Variants in SARS2 observed in about 807,000 individuals in gnomAD.
The protein encoded by SARS2 is seryl-tRNA synthetase 2, mitochondrial.
In SARS2, 52 loss-of-function variants were observed where a neutral mutation model predicts 66.8. That is an observed-to-expected ratio of 0.78 (90% CI 0.62 to 0.98). The LOEUF (loss-of-function observed/expected upper bound fraction) is 0.98, where lower values mean the gene tolerates loss of function less well. Among genes scored for constraint, SARS2 ranks in the 50% least tolerant of loss-of-function variants. The pLI is 0.00. For synonymous variants in SARS2, 306 were observed against 281.4 expected (o/e 1.09, Z -0.87); for missense variants, 673 against 706.3 (o/e 0.95, Z 0.53).
intron 2 of SARS2, among the ~76,000 whole-genome samples, chr19:38,924,022 C>G (rs1307480443): frequency 6.6e-6 from 1 of 151,764 alleles, no homozygotes; most frequent in African/African-American, 2.4e-5. Flanking sequence ...ATCCCAGCGA[C>G]TCAGGAGGCT....
At chr19:38,917,885 C>G in intron 11 of SARS2, 36 bp downstream of exon 11, 1 of 1,610,118 alleles carries the variant, frequency 6.2e-7, no homozygotes, top group Non-Finnish European at 8.5e-7. Context: ...GGGGTGGCCC[C>G]CCACCCCAGC....
rs567199001 is a variant in SARS2, at chr19:38,925,472, G to A, written c.363+733C>T. Among the ~76,000 whole-genome samples, 8 of 152,236 alleles carry A rather than the reference G, an allele frequency of 5.3e-5. No individual in the cohort carries two copies. In the South Asian group the frequency reaches 6.2e-4, roughly 12 times the overall value. On this transcript the variant is annotated intron_variant, in intron 2 of 15. Transcript: ENST00000221431. Reference sequence around the variant, plus strand: ...CCGGCTGCCGGAACTCCATTCCTCCGGCTGACAACTGGAGTGTGGTGGGGG... The same window carrying A: ...CCGGCTGCCGGAACTCCATTCCTCCAGCTGACAACTGGAGTGTGGTGGGGG...
rs79129877 is a variant in SARS2, at chr19:38,922,480, G to A, written c.364-213C>T. ...TAACAGTAATCACAGCCGCAGATCCGTATAGGAAGTGATGCCTCCATGCCA... is the reference window on the plus strand; with the variant it reads ...TAACAGTAATCACAGCCGCAGATCCATATAGGAAGTGATGCCTCCATGCCA... On this transcript the variant is annotated intron_variant, in intron 2 of 15. Coordinates refer to ENST00000221431, the MANE Select transcript of SARS2 (RefSeq NM_017827.4). 3.2e-3 allele frequency among the ~76,000 whole-genome samples: 487 copies of A among 152,290 alleles called. 2 individuals carry two copies. Among genetic ancestry groups the A allele is most frequent in the African/African-American group, 0.011 (476 of 41,548 alleles).
Position 38,930,536 on chromosome 19 carries a change from T to G in SARS2, c.201A>C (p.Pro67=). The part of the protein sequence containing the change: ...QLDIERFCAC[P]EEAAHALELR... The stretch of plus-strand genomic sequence containing the variant: ...GCTCCAGGGCGTGTGCGGCCTCTTC[T>G]GGGCATGCGCAGAACCGCTCTATGT... The change falls in exon 1 of 16, where the codon CCA becomes CCC. Residue 67 remains proline (P), a synonymous_variant. Coordinates refer to ENST00000221431, the MANE Select transcript of SARS2 (RefSeq NM_017827.4). 1 of 1,613,560 alleles carries G rather than the reference T, an allele frequency of 6.2e-7. No individual in the cohort carries two copies. Among genetic ancestry groups the G allele is most frequent in the Non-Finnish European group, 8.5e-7 (1 of 1,179,980 alleles).
chr19:38,928,012 G>A (rs568469922), intron 1 of SARS2, among the ~76,000 whole-genome samples: 44 of 152,244 alleles, frequency 2.9e-4, no homozygotes, highest in African/African-American at 7.2e-4. Context: ...TAGCCTGGGC[G>A]ACACAGCAAG....
intron 1 of SARS2, among the ~76,000 whole-genome samples, chr19:38,927,253 TA>T (rs1192656142): frequency 2.0e-5 from 3 of 152,040 alleles, no homozygotes; most frequent in African/African-American, 7.2e-5. Flanking sequence ...AAAAAAACTT[TA>T]AAAAAATTAG....
intron 2 of SARS2, among the ~76,000 whole-genome samples, chr19:38,924,921 G>A (rs148231819): frequency 6.6e-6 from 1 of 152,148 alleles, no homozygotes; most frequent in South Asian, 2.1e-4. Flanking sequence ...GAAAACACCT[G>A]GTATGGTGTG....
At chr19:38,922,495 C>T (rs1005652434) in intron 2 of SARS2, among the ~76,000 whole-genome samples, 5 of 152,204 alleles carry the variant, frequency 3.3e-5, no homozygotes, top group African/African-American at 1.2e-4. Flanking sequence ...GGAAGTGATG[C>T]CTCCATGCCA....
chr19:38,922,110 G>A (rs1204274691), intron 3 of SARS2, 128 bp downstream of exon 3: 11 of 1,597,926 alleles, frequency 6.9e-6, no homozygotes, highest in Non-Finnish European at 9.4e-6. Flanking sequence ...TGCATCAATA[G>A]AGCCTATTTT....
intron 5 of SARS2, 92 bp from the exon 6 acceptor site, chr19:38,920,241 C>T (rs763509901): frequency 1.6e-4 from 157 of 995,656 alleles, no homozygotes; most frequent in Non-Finnish European, 2.0e-4. Context: ...AGAGGAGGGA[C>T]GGTGAGAGAA....
At chr19:38,923,219 CTTTT>C (rs1165441029) in intron 2 of SARS2, among the ~76,000 whole-genome samples, 4 of 75,762 alleles carry the variant, frequency 5.3e-5, no homozygotes, top group Admixed American at 1.7e-4. Context: ...CTCAGGTTTT[CTTTT>C]TTTTTTTTTT....
At chr19:38,922,198 C>A (rs752167948) in intron 3 of SARS2, 40 bp downstream of exon 3, 2 of 1,610,326 alleles carry the variant, frequency 1.2e-6, no homozygotes, top group Admixed American at 1.7e-5. Context: ...CCTCCCTGCC[C>A]ACCCCCAACC....
In SARS2 at chr19:38,930,602, G is replaced by C; in HGVS notation, c.135C>G (p.Tyr45Ter). ...CGCTGTAGCCCTCGCGCGCATACTC[G>C]TACAGGAGGTTCCGGTTTCGTTTCT... The part of the protein sequence containing the change: ...TTEKRNRNLL[Y>*]EYAREGYSAL... Residue 45 changes from tyrosine to a stop codon, truncating the protein, a stop_gained, in exon 1 of 16, where the codon TAC becomes TAG. Transcript: ENST00000221431. LOFTEE classifies it high-confidence loss of function. The C allele has an allele frequency of 6.2e-7, 1 of 1,614,080 alleles. No homozygotes were observed.
intron 5 of SARS2, among the ~76,000 whole-genome samples, chr19:38,920,858 TAC>T (rs560436725): frequency 1.5e-3 from 199 of 136,788 alleles, no homozygotes; most frequent in African/African-American, 4.3e-3. Context: ...CACAGATACA[TAC>T]ACACAGATAC....
At chr19:38,922,075 G>A (rs371125997) in intron 3 of SARS2, 163 bp downstream of exon 3, 83 of 1,581,474 alleles carry the variant, frequency 5.2e-5, no homozygotes, top group South Asian at 2.1e-4. Context: ...GGATCCAGCC[G>A]CACCTGAAGC....
chr19:38,930,431 C>T lies in SARS2; in HGVS notation c.267+39G>A, dbSNP rs1166055170. 1.1e-5 allele frequency: 17 copies of T among 1,563,256 alleles called. No individual in the cohort carries two copies. In the Admixed American group the frequency reaches 3.2e-4, roughly 29 times the overall value. ...TTGCAAACCCAATTCTTCCGTAAAG[C>T]AAACGTCTGCGCCCCCCGGCCGGCG... is the stretch of plus-strand genomic sequence containing the variant. On this transcript the variant is annotated intron_variant, in intron 1 of 15. Transcript: ENST00000221431.
chr19:38,923,243 A>T (rs1388507733), intron 2 of SARS2, among the ~76,000 whole-genome samples: 1 of 75,280 alleles, frequency 1.3e-5, no homozygotes, highest in Non-Finnish European at 2.4e-5. Flanking sequence ...TTTTTTTGAG[A>T]CGGAGTCTCG....
intron 1 of SARS2, among the ~76,000 whole-genome samples, chr19:38,928,616 A>G (rs1568429380): frequency 6.6e-6 from 1 of 152,186 alleles, no homozygotes; most frequent in Non-Finnish European, 1.5e-5. Context: ...AGCCTGCTAA[A>G]GGATGTGACG....
At chr19:38,929,116 C>T (rs983466534) in intron 1 of SARS2, among the ~76,000 whole-genome samples, 7 of 152,014 alleles carry the variant, frequency 4.6e-5, no homozygotes, top group African/African-American at 1.7e-4. Context: ...ACTCGGGAGG[C>T]TGAGGTGGGA....
Sources: allele counts gnomAD v4.1 joint callset (sites outside exome capture counted in the v4.1 genomes callset), GRCh38; gene constraint gnomAD v4.1.1; transcripts MANE v1.5; gene names NCBI Gene and HGNC (gene_info 2026-07-23, HGNC 2026-07-21).